The following CCSER1 variants were observed in gnomAD, a reference collection of about 807,000 sequenced individuals.
CCSER1 encodes the protein coiled-coil serine rich protein 1, also known as serine-rich coiled-coil domain-containing protein 1.
A neutral mutation model predicts 82.0 loss-of-function variants in CCSER1; 41 were observed. The observed-to-expected ratio is 0.50, with a 90% CI of 0.39 to 0.65. The LOEUF (loss-of-function observed/expected upper bound fraction) is 0.65. CCSER1 is among the 30% of genes least tolerant of loss of function. The pLI, the probability that CCSER1 is intolerant of heterozygous loss-of-function variation, is 0.00. For missense variants in CCSER1, 1,119 were observed against 1,064.2 expected, an observed-to-expected ratio of 1.05 and a Z score of -0.72; for synonymous variants, 414 against 383.9, an observed-to-expected ratio of 1.08 and a Z score of -0.92.
chr4:91,448,232 A>G (rs1039848529), intron 10 of CCSER1, among the ~76,000 whole-genome samples: 37 of 152,064 alleles, frequency 2.4e-4, no homozygotes, highest in African/African-American at 8.4e-4. Flanking sequence ...TATTTGACAG[A>G]CTAATTTCTC....
intron 9 of CCSER1, among the ~76,000 whole-genome samples, chr4:91,077,996 G>A (rs1278638090): frequency 1.3e-5 from 2 of 152,214 alleles, no homozygotes; most frequent in African/African-American, 2.4e-5. Flanking sequence ...GCCTGCCTCT[G>A]TAGACTCCAC....
At chr4:90,902,509 G>A (rs1261181641) in intron 8 of CCSER1, among the ~76,000 whole-genome samples, 1 of 151,764 alleles carries the variant, frequency 6.6e-6, no homozygotes, top group Non-Finnish European at 1.5e-5. Flanking sequence ...TGATTGTGTT[G>A]TATGTTTTCT....
chr4:91,556,537 T>TA (rs891937751), intron 10 of CCSER1, among the ~76,000 whole-genome samples: 42 of 150,460 alleles, frequency 2.8e-4, no homozygotes, highest in Middle Eastern at 3.4e-3. Flanking sequence ...AAAGTATAAT[T>TA]AAAAAAAACC....
rs915648938 is a variant in CCSER1, at chr4:91,246,924, A to G, written c.2217+160930A>G. Among the ~76,000 whole-genome samples, 10 of 152,198 alleles carry G rather than the reference A, an allele frequency of 6.6e-5. No homozygotes were observed. In the South Asian group the frequency reaches 1.9e-3, roughly 28 times the overall value. On this transcript the variant is annotated intron_variant, in intron 10 of 10. Coordinates refer to ENST00000509176, the MANE Select transcript of CCSER1 (RefSeq NM_001145065.2). ...ATTAGGGCCATACAAATTCAACAATAATTACATATCTCTCAGCACCTATTA... is the reference window on the plus strand; with the variant it reads ...ATTAGGGCCATACAAATTCAACAATGATTACATATCTCTCAGCACCTATTA...
At chr4:90,465,541 C>A (rs530446651) in intron 4 of CCSER1, among the ~76,000 whole-genome samples, 32 of 152,108 alleles carry the variant, frequency 2.1e-4, no homozygotes, top group African/African-American at 7.5e-4. Context: ...TATTTCTTTT[C>A]TCTACTTTCA....
chr4:91,053,645 G>A (rs998210459), intron 9 of CCSER1, among the ~76,000 whole-genome samples: 10 of 152,072 alleles, frequency 6.6e-5, no homozygotes. Context: ...AATTCAAAAA[G>A]CACCCAGTTT....
At chr4:90,917,094 G>T (rs929790261) in intron 8 of CCSER1, among the ~76,000 whole-genome samples, 1 of 152,186 alleles carries the variant, frequency 6.6e-6, no homozygotes, top group African/African-American at 2.4e-5. Flanking sequence ...AACCATTGTG[G>T]AAGTCTGTGT....
intron 5 of CCSER1, among the ~76,000 whole-genome samples, chr4:90,469,936 T>A (rs1764139807): frequency 6.6e-6 from 1 of 152,156 alleles, no homozygotes; most frequent in Admixed American, 6.5e-5. Context: ...AATCCAAAAA[T>A]ATGAAATTTG....
At chr4:90,875,160 G>C (rs7689560) in intron 8 of CCSER1, among the ~76,000 whole-genome samples, 63,094 of 151,936 alleles carry the variant, frequency 0.42, 13,684 homozygotes, top group African/African-American at 0.53. Flanking sequence ...GTTCTCTAAT[G>C]ATCTATGGCA....
intron 6 of CCSER1, among the ~76,000 whole-genome samples, chr4:90,692,952 G>T (rs1560955518): frequency 6.6e-6 from 1 of 151,750 alleles, no homozygotes; most frequent in Admixed American, 6.6e-5. Flanking sequence ...TCTTTATAAA[G>T]ATGTTTGTCT....
intron 8 of CCSER1, among the ~76,000 whole-genome samples, chr4:90,835,673 A>G (rs967829028): frequency 6.6e-6 from 1 of 152,136 alleles, no homozygotes; most frequent in African/African-American, 2.4e-5. Context: ...GCTTTGTTCA[A>G]TAGCACCTGG....
rs570854446 is a variant in CCSER1, at chr4:91,526,176, C to T, written c.2218-72396C>T. ...ATTTTACAACATGTTCTCTCTGAAG[C>T]CTGCTAGCTAAAAGCTTCCTCTACA... is the stretch of plus-strand genomic sequence containing the variant. On this transcript the variant is annotated intron_variant, in intron 10 of 10. Coordinates refer to ENST00000509176, the MANE Select transcript of CCSER1 (RefSeq NM_001145065.2). 3.1e-4 allele frequency among the ~76,000 whole-genome samples: 47 copies of T among 152,206 alleles called. 1 individual carries two copies. In the South Asian group the frequency reaches 9.5e-3, roughly 31 times the overall value.
At chr4:90,591,989 A>T (rs1782761305) in intron 5 of CCSER1, among the ~76,000 whole-genome samples, 1 of 152,088 alleles carries the variant, frequency 6.6e-6, no homozygotes, top group South Asian at 2.1e-4. Flanking sequence ...AACAATGAGA[A>T]CACATGGGCA....
At chr4:90,345,836 T>C (rs1275181990) in intron 3 of CCSER1, among the ~76,000 whole-genome samples, 3 of 152,094 alleles carry the variant, frequency 2.0e-5, no homozygotes, top group Admixed American at 2.0e-4. Context: ...AGAAATCTTA[T>C]GTAATCTCAC....
intron 10 of CCSER1, among the ~76,000 whole-genome samples, chr4:91,175,817 T>C (rs1460393783): frequency 6.6e-6 from 1 of 152,188 alleles, no homozygotes; most frequent in Non-Finnish European, 1.5e-5. Context: ...GTGCAGAAGC[T>C]CTTTAGTTTA....
At chr4:91,343,950 A>G (rs759857092) in intron 10 of CCSER1, among the ~76,000 whole-genome samples, 3 of 152,210 alleles carry the variant, frequency 2.0e-5, no homozygotes, top group Non-Finnish European at 2.9e-5. Context: ...AATAGGTAGT[A>G]CACTGATATG....
At chr4:90,184,899 A>T (rs908047065) in intron 1 of CCSER1, among the ~76,000 whole-genome samples, 3 of 152,004 alleles carry the variant, frequency 2.0e-5, no homozygotes, top group Admixed American at 1.3e-4. Context: ...GCAGTTCTAG[A>T]TTTTCTACAT....
chr4:91,445,914 C>A (rs1302105437), intron 10 of CCSER1, among the ~76,000 whole-genome samples: 1 of 151,938 alleles, frequency 6.6e-6, no homozygotes, highest in African/African-American at 2.4e-5. Context: ...TGCCACCCTG[C>A]ATTTCCATAA....
At chr4:90,548,901 G>T (rs934704463) in intron 5 of CCSER1, among the ~76,000 whole-genome samples, 1 of 151,986 alleles carries the variant, frequency 6.6e-6, no homozygotes, top group Non-Finnish European at 1.5e-5. Context: ...GTTTTAATAT[G>T]TAGTTTTCTG....
Sources: allele counts gnomAD v4.1 joint callset (sites outside exome capture counted in the v4.1 genomes callset), GRCh38; gene constraint gnomAD v4.1.1; transcripts MANE v1.5; gene names NCBI Gene and HGNC (gene_info 2026-07-23, HGNC 2026-07-21).